Variants in DMBT1 observed in about 807,000 individuals in gnomAD.
DMBT1 encodes the protein scavenger receptor cysteine-rich domain-containing protein DMBT1.
Under a neutral mutation model 252.9 loss-of-function variants are expected in DMBT1, and 198 were observed. That is an observed-to-expected ratio of 0.78 (90% confidence interval 0.70 to 0.88). The LOEUF is 0.88. Among genes scored for constraint, DMBT1 ranks in the 40% least tolerant of loss-of-function variants. The pLI is 0.00. For missense variants in DMBT1, 2,432 were observed against 2,404.7 expected (o/e 1.01, Z -0.24); for synonymous variants, 990 against 942.7 (o/e 1.05, Z -0.92).
At position 122,640,219 on chromosome 10, in the gene DMBT1, C is replaced by T. The variant is rs758484778; in HGVS notation, c.7122C>T (p.Val2374=). 1.4e-5 allele frequency: 22 copies of T among 1,613,932 alleles called. No homozygotes were observed. Among genetic ancestry groups the T allele is most frequent in the South Asian group, 1.1e-4 (10 of 91,080 alleles). ...TIHVANNTIQ[V]EEVQYGNFDV... ...ACGTTGCTAATAACACCATCCAGGT[C>T]GAGGAAGTCCAGTATGGCAATTTTG... The change falls in exon 55 of 56, where the codon GTC becomes GTT. Residue 2374 remains valine, a synonymous_variant. Coordinates refer to ENST00000338354, the MANE Select transcript of DMBT1 (RefSeq NM_001377530.1).
chr10:122,588,893 T>G, intron 16 of DMBT1, 51 bp from the exon 17 acceptor site: 1 of 1,585,318 alleles, frequency 6.3e-7, no homozygotes, highest in Non-Finnish European at 8.6e-7. Context: ...GTGCCTTAGA[T>G]CCTTGACCTG....
chr10:122,575,476 A>G (rs1369732698), intron 6 of DMBT1, among the ~76,000 whole-genome samples: 2 of 152,074 alleles, frequency 1.3e-5, no homozygotes, highest in South Asian at 2.1e-4. Flanking sequence ...CTTTCAGCCC[A>G]TGAGTGTCTT....
chr10:122,589,633 A>G lies in DMBT1; in HGVS notation c.2107+366A>G, dbSNP rs562845312. Among the ~76,000 whole-genome samples, 35 of 148,688 alleles carry G rather than the reference A, an allele frequency of 2.4e-4. 2 individuals carry two copies. The highest frequency in any genetic ancestry group is 6.8e-4 in the African/African-American group (28 of 41,226). ...TTTGGGTCTTGGCTTTGCAGGCTGC[A>G]TAGGAGCGTGGTATCTGCTTGGCTT... On this transcript the variant is annotated intron_variant, in intron 17 of 55. Coordinates refer to ENST00000338354, the MANE Select transcript of DMBT1 (RefSeq NM_001377530.1).
At chr10:122,634,413 C>CTTTTCTTTCTT (rs1378320898) in intron 52 of DMBT1, among the ~76,000 whole-genome samples, 2 of 71,802 alleles carry the variant, frequency 2.8e-5, no homozygotes, top group African/African-American at 7.3e-5. Context: ...TTCTTTCTTT[C>CTTTTCTTTCTT]TCTCTCTCTC....
At chr10:122,589,428 G>T (rs561664387) in intron 17 of DMBT1, among the ~76,000 whole-genome samples, 161 bp downstream of exon 17, 2 of 148,370 alleles carry the variant, frequency 1.3e-5, no homozygotes, top group South Asian at 2.3e-4. Context: ...CTTCACCACA[G>T]TGCCAGGTTT....
At chr10:122,598,576 C>G (rs1213540114) in intron 25 of DMBT1, among the ~76,000 whole-genome samples, 198 bp from the exon 26 acceptor site, 1 of 152,148 alleles carries the variant, frequency 6.6e-6, no homozygotes, top group African/African-American at 2.4e-5. Context: ...AAACTTGAGC[C>G]TTCATAAACC....
chr10:122,634,459 TC>T (rs1478185779), intron 52 of DMBT1, among the ~76,000 whole-genome samples: 1,158 of 102,186 alleles, frequency 0.011, 5 homozygotes, highest in African/African-American at 0.019. Flanking sequence ...TCTCTCTCTC[TC>T]TCTCTCTCTC....
At chr10:122,638,670 C>T (rs1843938213) in intron 54 of DMBT1, among the ~76,000 whole-genome samples, 2 of 152,192 alleles carry the variant, frequency 1.3e-5, no homozygotes, top group South Asian at 4.1e-4. Context: ...ATCTCGAACT[C>T]CTGAGCTCAA....
intron 54 of DMBT1, among the ~76,000 whole-genome samples, chr10:122,639,821 G>A (rs1844199364): frequency 6.6e-6 from 1 of 152,218 alleles, no homozygotes; most frequent in Admixed American, 6.5e-5. Flanking sequence ...ACCCCTTCCT[G>A]TGGGTCTTCC....
intron 46 of DMBT1, among the ~76,000 whole-genome samples, chr10:122,628,371 C>T (rs759936618): frequency 7.2e-5 from 11 of 152,190 alleles, no homozygotes; most frequent in Non-Finnish European, 1.2e-4. Context: ...CGCGGTGGCT[C>T]ATACCTGTAA....
intron 42 of DMBT1, 25 bp downstream of exon 42, chr10:122,619,362 G>A: frequency 6.2e-7 from 1 of 1,613,876 alleles, no homozygotes; most frequent in South Asian, 1.1e-5. Flanking sequence ...TCCTTCATCG[G>A]GATGTCCCTT....
chr10:122,629,320 A>T (rs577990889), intron 46 of DMBT1, among the ~76,000 whole-genome samples: 27 of 152,298 alleles, frequency 1.8e-4, no homozygotes, highest in African/African-American at 6.3e-4. Context: ...CAGATCATGG[A>T]GCTGATAGAG....
At chr10:122,620,962 C>A in intron 43 of DMBT1, 95 bp from the exon 44 acceptor site, 2 of 1,576,022 alleles carry the variant, frequency 1.3e-6, no homozygotes, top group African/African-American at 2.7e-5. Flanking sequence ...GCACACGTGA[C>A]TTTGGCCATT....
chr10:122,619,046 A>G (rs1317013689), intron 41 of DMBT1, among the ~76,000 whole-genome samples: 1 of 152,148 alleles, frequency 6.6e-6, no homozygotes, highest in East Asian at 1.9e-4. Flanking sequence ...CATCCAAGGG[A>G]GAGTGTTGGT....
In DMBT1 at chr10:122,621,171, C is replaced by T; in HGVS notation, c.5399C>T (p.Thr1800Ile). 2 of 1,613,874 alleles carry T rather than the reference C, an allele frequency of 1.2e-6. No individual in the cohort carries two copies. The highest frequency in any genetic ancestry group is 8.5e-7 in the Non-Finnish European group (1 of 1,179,818). ...WGTVCDDSWD[T>I]NDANVVCRQL... is the part of the protein sequence containing the mutation. ...ACCGTGTGTGATGACAGCTGGGACACCAATGATGCCAATGTGGTCTGCAGG... is the reference window on the plus strand; with the variant it reads ...ACCGTGTGTGATGACAGCTGGGACATCAATGATGCCAATGTGGTCTGCAGG... The change falls in exon 44 of 56, where the codon ACC becomes ATC. Residue 1800 changes from threonine (T) to isoleucine (I), a missense_variant. Thr to Ile is a moderately conservative substitution (Grantham distance 89). Transcript: ENST00000338354.
At chr10:122,625,197 TG>T in intron 44 of DMBT1, 79 bp from the exon 45 acceptor site, 1 of 1,376,042 alleles carries the variant, frequency 7.3e-7, no homozygotes, top group Non-Finnish European at 1.0e-6. Context: ...AGTGATGAGA[TG>T]GGGACAGGCA....
intron 3 of DMBT1, among the ~76,000 whole-genome samples, chr10:122,570,603 G>A (rs1330962209): frequency 1.3e-5 from 2 of 152,222 alleles, no homozygotes; most frequent in African/African-American, 2.4e-5. Context: ...TCAATCTTGT[G>A]ACTAGGATGG....
At chr10:122,573,601 G>A in intron 5 of DMBT1, 114 bp from the exon 6 acceptor site, 2 of 1,310,014 alleles carry the variant, frequency 1.5e-6, no homozygotes, top group Non-Finnish European at 2.2e-6. Context: ...AGCAATGGAT[G>A]GTGCCCTTAG....
In DMBT1 at chr10:122,632,737, G is replaced by A. The variant is rs565819679; in HGVS notation, c.6368-124G>A. ...AGGCAAGTGAGCTCCCCAAGGGCAA[G>A]GCCTGTGTCCAGCTCCTCCCTGTGG... On this transcript the variant is annotated intron_variant, in intron 50 of 55. Transcript: ENST00000338354. 139 of 1,288,684 alleles carry A rather than the reference G, an allele frequency of 1.1e-4. 1 individual carries two copies. In the African/African-American group the frequency reaches 1.9e-3, roughly 17 times the overall value. The allele number at this position is 1,288,684 out of a possible 1,614,324, so 79.8% of individuals were successfully genotyped here. A position where few individuals can be genotyped will look rare whatever the true frequency, so the allele number is the denominator to read the frequency against.
Sources: allele counts gnomAD v4.1 joint callset (sites outside exome capture counted in the v4.1 genomes callset), GRCh38; gene constraint gnomAD v4.1.1; transcripts MANE v1.5; gene names NCBI Gene and HGNC (gene_info 2026-07-23, HGNC 2026-07-21).